Variants in CLSTN2 observed in about 807,000 individuals in gnomAD.
The protein encoded by CLSTN2 is calsyntenin 2.
A neutral mutation model predicts 101.2 loss-of-function variants in CLSTN2; 48 were observed. The observed-to-expected ratio is 0.47, with a 90% CI of 0.38 to 0.60. The LOEUF (loss-of-function observed/expected upper bound fraction) is 0.60, where lower values mean the gene tolerates loss of function less well. CLSTN2 is among the 20% of genes least tolerant of loss of function. CLSTN2 has a pLI of 0.00. For missense variants in CLSTN2, 1,160 were observed against 1,238.2 expected (o/e 0.94, Z 0.95); for synonymous variants, 481 against 463.6 (o/e 1.04, Z -0.48).
At chr3:140,295,001 T>C (rs1032051444) in intron 2 of CLSTN2, among the ~76,000 whole-genome samples, 2 of 152,180 alleles carry the variant, frequency 1.3e-5, no homozygotes, top group African/African-American at 4.8e-5. Flanking sequence ...ACCTCCTAAA[T>C]GCTGTCACAT....
chr3:140,070,629 A>G (rs1218394349), intron 1 of CLSTN2, among the ~76,000 whole-genome samples: 2 of 152,136 alleles, frequency 1.3e-5, no homozygotes, highest in Non-Finnish European at 2.9e-5. Context: ...AAAAATGTTA[A>G]TTTCCCAGCT....
At chr3:139,945,568 A>G (rs1404104680) in intron 1 of CLSTN2, among the ~76,000 whole-genome samples, 1 of 152,186 alleles carries the variant, frequency 6.6e-6, no homozygotes. Flanking sequence ...TGTAGCCTGC[A>G]TGTGTCACAC....
At position 140,563,202 on chromosome 3, in the gene CLSTN2, A is replaced by C. The variant is rs762397448; in HGVS notation, c.2481A>C (p.Ser827=). ...PESRSSIQHS[S]VVPSIATVVI... ...CCCGGAGTAGCATCCAGCACAGTTC[A>C]GGTAGGGTGCCCAAGAGGAGGGACC... Residue 827 remains serine, a splice_region_variant and synonymous_variant, in exon 15 of 17, where the codon TCA becomes TCC. Transcript: ENST00000458420. The C allele has an allele frequency of 4.3e-6, 7 of 1,613,730 alleles. No individual in the cohort carries two copies. The highest frequency in any genetic ancestry group is 8.5e-7 in the Non-Finnish European group (1 of 1,179,820).
At chr3:140,234,483 A>G (rs927527651) in intron 2 of CLSTN2, among the ~76,000 whole-genome samples, 1 of 152,172 alleles carries the variant, frequency 6.6e-6, no homozygotes, top group Non-Finnish European at 1.5e-5. Context: ...TGAAAGTAAC[A>G]TCTAGCTACC....
chr3:140,180,912 C>T (rs902959109), intron 2 of CLSTN2, among the ~76,000 whole-genome samples: 2 of 152,188 alleles, frequency 1.3e-5, no homozygotes, highest in Non-Finnish European at 1.5e-5. Flanking sequence ...AGTGTATCTG[C>T]CTCCTTATCT....
At chr3:140,297,809 G>A (rs562754081) in intron 2 of CLSTN2, among the ~76,000 whole-genome samples, 7 of 152,182 alleles carry the variant, frequency 4.6e-5, no homozygotes, top group Non-Finnish European at 7.3e-5. Flanking sequence ...TGGCTGATAC[G>A]TGGGCTTCCA....
At chr3:139,960,808 G>A (rs971917472) in intron 1 of CLSTN2, among the ~76,000 whole-genome samples, 1 of 152,166 alleles carries the variant, frequency 6.6e-6, no homozygotes, top group African/African-American at 2.4e-5. Context: ...TAAGGGGGCA[G>A]GATCTCCTCA....
intron 1 of CLSTN2, among the ~76,000 whole-genome samples, chr3:140,042,827 T>A (rs1332357433): frequency 6.6e-6 from 1 of 152,236 alleles, no homozygotes; most frequent in African/African-American, 2.4e-5. Context: ...TGCAGCTTCA[T>A]CCATGTCCCT....
chr3:140,431,646 G>A (rs959663365), intron 5 of CLSTN2, among the ~76,000 whole-genome samples: 1 of 152,028 alleles, frequency 6.6e-6, no homozygotes, highest in African/African-American at 2.4e-5. Flanking sequence ...TTCTTCCTCT[G>A]GTTCCTTCTG....
chr3:140,454,967 C>G (rs1181322273), intron 6 of CLSTN2, among the ~76,000 whole-genome samples: 1 of 147,050 alleles, frequency 6.8e-6, no homozygotes, highest in Admixed American at 6.6e-5. Context: ...AAGAGGGCCT[C>G]CCTCACTTCC....
At chr3:140,505,952 A>T (rs1934677062) in intron 8 of CLSTN2, 1 of 152,178 alleles carries the variant, frequency 6.6e-6, no homozygotes, top group Admixed American at 6.5e-5. Flanking sequence ...TTTCGAACAC[A>T]CACTCCTGAG....
chr3:140,450,330 G>A (rs2108010077), intron 6 of CLSTN2, among the ~76,000 whole-genome samples: 1 of 152,260 alleles, frequency 6.6e-6, no homozygotes, highest in African/African-American at 2.4e-5. Flanking sequence ...CTCCATCCAG[G>A]CCTCGGGAGC....
Position 140,448,541 on chromosome 3 carries a change from C to T in CLSTN2, c.810C>T (p.Tyr270=), listed in dbSNP as rs373272704. The change falls in exon 6 of 17, where the codon TAC becomes TAT. Residue 270 remains tyrosine, a synonymous_variant. Transcript: ENST00000458420. ...TAGACTGGACCAAGAGGATTGAGTA[C>T]CAGCCTGGCTCCGGGAGCATGCCCC... ...GWQDWTKRIE[Y]QPGSGSMPLF... is the part of the protein sequence containing the mutation. 6.2e-6 allele frequency: 10 copies of T among 1,613,864 alleles called. No homozygotes were observed. Among genetic ancestry groups the T allele is most frequent in the Non-Finnish European group, 8.5e-6 (10 of 1,179,954 alleles).
intron 9 of CLSTN2, among the ~76,000 whole-genome samples, chr3:140,534,803 A>G (rs1270512094): frequency 2.6e-5 from 4 of 152,246 alleles, no homozygotes; most frequent in Admixed American, 1.3e-4. Flanking sequence ...AGAAAAATTG[A>G]AAATATTGTA....
chr3:140,355,517 A>T (rs539366099), intron 2 of CLSTN2, among the ~76,000 whole-genome samples: 1 of 152,360 alleles, frequency 6.6e-6, no homozygotes, highest in East Asian at 1.9e-4. Flanking sequence ...ATATGGGCTT[A>T]TCAGACACAA....
intron 2 of CLSTN2, among the ~76,000 whole-genome samples, chr3:140,367,536 GA>G (rs140658073): frequency 0.037 from 5,146 of 140,034 alleles, 109 homozygotes; most frequent in Middle Eastern, 0.075. Context: ...AAAAAAAAAG[GA>G]AAGAGAAGAA....
intron 1 of CLSTN2, among the ~76,000 whole-genome samples, chr3:139,986,974 G>A (rs532032581): frequency 1.4e-4 from 21 of 152,116 alleles, no homozygotes; most frequent in Non-Finnish European, 2.8e-4. Flanking sequence ...CTGTTCTTAC[G>A]CACTCTCCTT....
chr3:139,957,013 C>T (rs2107812815), intron 1 of CLSTN2, among the ~76,000 whole-genome samples: 1 of 152,226 alleles, frequency 6.6e-6, no homozygotes, highest in South Asian at 2.1e-4. Flanking sequence ...GTTTTTTGCC[C>T]TCAGACAATT....
intron 2 of CLSTN2, among the ~76,000 whole-genome samples, chr3:140,353,242 C>CACAT (rs372011146): frequency 6.1e-5 from 9 of 146,768 alleles, no homozygotes; most frequent in South Asian, 2.2e-4. Flanking sequence ...TATGTTTACA[C>CACAT]ATATATATAT....
Sources: gnomAD v4.1 joint callset for allele counts (sites outside exome capture counted in the v4.1 genomes callset) on GRCh38, gnomAD v4.1.1 for gene constraint, MANE v1.5 for transcripts, NCBI Gene and HGNC (gene_info 2026-07-23, HGNC 2026-07-21) for gene names.